The following GRIK1 variants were observed in gnomAD, a reference collection of about 807,000 sequenced individuals.
GRIK1 encodes the protein glutamate receptor ionotropic, kainate 1.
GRIK1 carries 69 observed loss-of-function variants against 105.7 expected under a neutral mutation model. The observed-to-expected ratio is 0.65, with a 90% CI of 0.54 to 0.80. The LOEUF is 0.80. Among genes scored for constraint, GRIK1 ranks in the 30% least tolerant of loss-of-function variants. GRIK1 has a pLI of 0.00. For synonymous variants in GRIK1, 438 were observed against 431.3 expected (o/e 1.02, Z -0.19); for missense variants, 1,109 against 1,167.3 (o/e 0.95, Z 0.73).
chr21:29,702,797 C>T (rs2063837345), intron 1 of GRIK1, among the ~76,000 whole-genome samples: 1 of 152,102 alleles, frequency 6.6e-6, no homozygotes, highest in Admixed American at 6.5e-5. Flanking sequence ...CCACCAGAAG[C>T]TGGAGGAAGC....
chr21:29,597,703 C>G, intron 8 of GRIK1: 1 of 456,418 alleles, frequency 2.2e-6, no homozygotes, highest in Non-Finnish European at 4.5e-6. Context: ...AAGTGAGTAA[C>G]CTGCATGTAT....
intron 7 of GRIK1, among the ~76,000 whole-genome samples, chr21:29,632,512 T>TA (rs1228404706): frequency 1.3e-5 from 2 of 149,850 alleles, no homozygotes; most frequent in Non-Finnish European, 1.5e-5. Context: ...CAGACACAAA[T>TA]ACACACACAC....
At chr21:29,814,251 C>T (rs1286171846) in intron 1 of GRIK1, among the ~76,000 whole-genome samples, 1 of 151,558 alleles carries the variant, frequency 6.6e-6, no homozygotes, top group Non-Finnish European at 1.5e-5. Context: ...GTGCCCAGCT[C>T]CCAAGAAACT....
chr21:29,884,698 A>G (rs1317864090), intron 1 of GRIK1, among the ~76,000 whole-genome samples: 1 of 152,106 alleles, frequency 6.6e-6, no homozygotes, highest in Non-Finnish European at 1.5e-5. Flanking sequence ...TACATGCTTT[A>G]CTTAAAGTAG....
chr21:29,818,896 G>T (rs140194476), intron 1 of GRIK1, among the ~76,000 whole-genome samples: 5 of 152,078 alleles, frequency 3.3e-5, no homozygotes, highest in Admixed American at 3.3e-4. Context: ...GTGGAATATG[G>T]CCAGGAGCAT....
At chr21:29,772,717 C>G (rs989189020) in intron 1 of GRIK1, among the ~76,000 whole-genome samples, 1 of 152,084 alleles carries the variant, frequency 6.6e-6, no homozygotes, top group Non-Finnish European at 1.5e-5. Flanking sequence ...TTAAAAGGTT[C>G]AAATACTAAA....
At chr21:29,587,065 G>A (rs1484831042) in intron 12 of GRIK1, among the ~76,000 whole-genome samples, 2 of 152,022 alleles carry the variant, frequency 1.3e-5, no homozygotes, top group African/African-American at 2.4e-5. Context: ...CACATCATTT[G>A]AGCCATTACT....
chr21:29,923,432 G>A (rs2071255150), intron 1 of GRIK1, among the ~76,000 whole-genome samples: 1 of 152,132 alleles, frequency 6.6e-6, no homozygotes, highest in Non-Finnish European at 1.5e-5. Context: ...TCAATTTGTA[G>A]CTCAGCATGG....
At chr21:29,704,461 T>A (rs1255232271) in intron 1 of GRIK1, among the ~76,000 whole-genome samples, 1 of 152,202 alleles carries the variant, frequency 6.6e-6, no homozygotes, top group Non-Finnish European at 1.5e-5. Flanking sequence ...TAAGCCTACA[T>A]CCTGCTCTGC....
chr21:29,591,280 C>A, intron 9 of GRIK1, 55 bp from the exon 10 acceptor site: 2 of 981,994 alleles, frequency 2.0e-6, no homozygotes, highest in Non-Finnish European at 3.3e-6. Flanking sequence ...GCATTTACAC[C>A]AAAGAGAGGC....
At position 29,755,966 on chromosome 21, in the gene GRIK1, A is replaced by G. The variant is rs1013677571; in HGVS notation, c.119-61903T>C. ...ATTTTTACTGTCTGTGATTGAGGCC[A>G]TGGTTATTAAGGTTGTCTGGCTTAT... On this transcript the variant is annotated intron_variant, in intron 1 of 17. Coordinates refer to ENST00000327783, the MANE Select transcript of GRIK1 (RefSeq NM_001330994.2). 2.6e-5 allele frequency among the ~76,000 whole-genome samples: 4 copies of G among 152,222 alleles called. No individual in the cohort carries two copies. In the South Asian group the frequency reaches 6.2e-4, roughly 24 times the overall value.
chr21:29,563,215 A>G (rs903322134), intron 14 of GRIK1, among the ~76,000 whole-genome samples: 1 of 152,246 alleles, frequency 6.6e-6, no homozygotes, highest in Admixed American at 6.5e-5. Context: ...GTTTTGGGCC[A>G]TAAGCAAAAA....
At chr21:29,909,899 A>C (rs2070758167) in intron 1 of GRIK1, among the ~76,000 whole-genome samples, 1 of 152,168 alleles carries the variant, frequency 6.6e-6, no homozygotes, top group Non-Finnish European at 1.5e-5. Context: ...AGACTCAGGG[A>C]TGAATAATTT....
chr21:29,781,861 G>A (rs1253823057), intron 1 of GRIK1, among the ~76,000 whole-genome samples: 5 of 145,134 alleles, frequency 3.4e-5, no homozygotes, highest in East Asian at 2.1e-4. Flanking sequence ...TAGTAGAGAC[G>A]GGGTTTCACC....
At chr21:29,592,672 A>G (rs1288868623) in intron 9 of GRIK1, among the ~76,000 whole-genome samples, 1 of 152,224 alleles carries the variant, frequency 6.6e-6, no homozygotes, top group Non-Finnish European at 1.5e-5. Context: ...AGGAATAATG[A>G]GAAGATCAAA....
intron 1 of GRIK1, among the ~76,000 whole-genome samples, chr21:29,805,273 T>C (rs1415403067): frequency 1.3e-5 from 2 of 152,156 alleles, no homozygotes; most frequent in Non-Finnish European, 2.9e-5. Context: ...TTATAAAGCC[T>C]GGAACTGCTG....
At chr21:29,846,900 T>C (rs565666813) in intron 1 of GRIK1, among the ~76,000 whole-genome samples, 1 of 152,220 alleles carries the variant, frequency 6.6e-6, no homozygotes, top group Non-Finnish European at 1.5e-5. Context: ...TATGTGTGTA[T>C]ATGTGTATGC....
At chr21:29,737,631 C>A (rs180746699) in intron 1 of GRIK1, among the ~76,000 whole-genome samples, 4 of 152,214 alleles carry the variant, frequency 2.6e-5, no homozygotes, top group African/African-American at 9.6e-5. Context: ...ATACTCACTT[C>A]AAATCTCATG....
At chr21:29,797,337 C>T (rs951930787) in intron 1 of GRIK1, among the ~76,000 whole-genome samples, 4 of 152,202 alleles carry the variant, frequency 2.6e-5, no homozygotes, top group African/African-American at 4.8e-5. Context: ...TTCTCACCCA[C>T]GGTTCTGAGA....
Sources: allele counts gnomAD v4.1 joint callset (sites outside exome capture counted in the v4.1 genomes callset), GRCh38; gene constraint gnomAD v4.1.1; transcripts MANE v1.5; gene names NCBI Gene and HGNC (gene_info 2026-07-23, HGNC 2026-07-21).